CR1: variants seen among roughly 807,000 people sequenced by gnomAD.
CR1 encodes the protein complement receptor type 1.
A neutral mutation model predicts 187.3 loss-of-function variants in CR1; 116 were observed. The ratio of observed to expected loss-of-function variants is 0.62; its 90% CI spans 0.53 to 0.72. The LOEUF (loss-of-function observed/expected upper bound fraction) is 0.72. CR1 is among the 30% of genes least tolerant of loss of function. CR1 has a pLI of 0.00. For synonymous variants in CR1, 576 were observed against 747.1 expected (o/e 0.77, Z 3.73); for missense variants, 1,731 against 2,110.7 (o/e 0.82, Z 3.52).
chr1:207,516,444 A>G (rs902036425), intron 4 of CR1, among the ~76,000 whole-genome samples: 11 of 152,176 alleles, frequency 7.2e-5, no homozygotes, highest in African/African-American at 9.6e-5. Flanking sequence ...TCTCCTAACT[A>G]TGTGCATCTT....
At chr1:207,574,397 T>C (rs566515042) in intron 27 of CR1, among the ~76,000 whole-genome samples, 36 of 152,316 alleles carry the variant, frequency 2.4e-4, no homozygotes, top group African/African-American at 8.4e-4. Flanking sequence ...GCCAAGCTAA[T>C]ATTCACACCT....
intron 43 of CR1, 53 bp from the exon 44 acceptor site, chr1:207,621,920 T>A (rs925886003): frequency 3.6e-5 from 53 of 1,484,436 alleles, no homozygotes; most frequent in Non-Finnish European, 4.9e-5. Flanking sequence ...GAGGTCCTGT[T>A]CAATCATGTT....
At chr1:207,575,160 T>C (rs1660701198) in intron 27 of CR1, among the ~76,000 whole-genome samples, 1 of 151,908 alleles carries the variant, frequency 6.6e-6, no homozygotes, top group African/African-American at 2.4e-5. Flanking sequence ...ACAAATCTTG[T>C]ATTTATAAAA....
intron 46 of CR1, among the ~76,000 whole-genome samples, chr1:207,637,217 GT>G (rs1181830259): frequency 5.3e-5 from 8 of 152,134 alleles, no homozygotes; most frequent in African/African-American, 1.9e-4. Context: ...TTTAGCTTAT[GT>G]TTGTCTAAAC....
chr1:207,519,179 C>G (rs1188587582), intron 4 of CR1, among the ~76,000 whole-genome samples: 1 of 151,872 alleles, frequency 6.6e-6, no homozygotes, highest in Non-Finnish European at 1.5e-5. Context: ...AAATCTTTTA[C>G]TTTCAGCCCT....
chr1:207,587,654 T>G, intron 34 of CR1, 89 bp downstream of exon 34: 1 of 1,291,530 alleles, frequency 7.7e-7, no homozygotes, highest in Non-Finnish European at 1.1e-6. Context: ...ATCCCATCAC[T>G]TTGGGAGGCC....
chr1:207,505,080 G>A (rs758197356), intron 1 of CR1, among the ~76,000 whole-genome samples: 4 of 152,128 alleles, frequency 2.6e-5, no homozygotes, highest in African/African-American at 4.8e-5. Context: ...CTCCATTCAC[G>A]GAAAAATTGT....
At chr1:207,605,947 T>C (rs1405688210) in intron 35 of CR1, 1 of 152,196 alleles carries the variant, frequency 6.6e-6, no homozygotes, top group Admixed American at 6.5e-5. Context: ...TCTGTCACTG[T>C]TTCGGGAAGA....
rs938044503 is a variant in CR1 at position 207,584,749 on chromosome 1, C to A, written c.5403C>A (p.Asp1801Glu). The A allele has an allele frequency of 6.8e-6, 11 of 1,613,746 alleles. No homozygotes were observed. Among genetic ancestry groups the A allele is most frequent in the African/African-American group, 6.7e-5 (5 of 74,882 alleles). ...PYGKEISYTC[D>E]PHPDRGMTFN... is the part of the protein sequence containing the mutation. Reference sequence around the variant, plus strand: ...GAAAAGAAATATCTTACACATGTGACCCCCACCCAGACAGAGGGATGACCT... The same window carrying A: ...GAAAAGAAATATCTTACACATGTGAACCCCACCCAGACAGAGGGATGACCT... The change falls in exon 33 of 47, where the codon GAC (aspartate) becomes GAA (glutamate). Residue 1801 changes from aspartate (D) to glutamate (E), a missense_variant. Around this residue, in one of 5 missense-constraint regions of CR1, gnomAD observed 1,312 missense variants for 1,379.6 expected, o/e 0.95. Transcript: ENST00000367049.
At chr1:207,497,528 A>G (rs1028166181) in intron 1 of CR1, among the ~76,000 whole-genome samples, 4 of 152,236 alleles carry the variant, frequency 2.6e-5, no homozygotes, top group African/African-American at 9.6e-5. Flanking sequence ...AAATAAAATA[A>G]AGTAGAACCA....
At chr1:207,639,215 A>G (rs921475483) in intron 46 of CR1, among the ~76,000 whole-genome samples, 182 bp from the exon 47 acceptor site, 3 of 152,186 alleles carry the variant, frequency 2.0e-5, no homozygotes, top group Non-Finnish European at 4.4e-5. Flanking sequence ...TCTTTTTTAG[A>G]TGACCAATTT....
intron 35 of CR1, among the ~76,000 whole-genome samples, chr1:207,594,865 A>T (rs1053676840): frequency 4.6e-5 from 7 of 152,182 alleles, no homozygotes; most frequent in Admixed American, 6.5e-5. Flanking sequence ...AAAACAAAAT[A>T]TCACCAAATC....
chr1:207,518,664 C>A (rs1290788826), intron 4 of CR1, among the ~76,000 whole-genome samples: 1 of 152,204 alleles, frequency 6.6e-6, no homozygotes, highest in Non-Finnish European at 1.5e-5. Flanking sequence ...TGTTCCTTGG[C>A]TTGTAGATGC....
chr1:207,523,253 T>C (rs1490397312), intron 4 of CR1, among the ~76,000 whole-genome samples: 3 of 152,140 alleles, frequency 2.0e-5, no homozygotes, highest in African/African-American at 7.2e-5. Flanking sequence ...TTTATTTTTC[T>C]AAAAAAGCTA....
In CR1 at chr1:207,618,248, G is replaced by A; in HGVS notation, c.7066+1G>A. ...AGCCAATTGGATCATTATTGCAAAG[G>A]TGACTTATTTCTTGGTATTCCTTAT... On this transcript the variant is annotated splice_donor_variant, in intron 42 of 46. Transcript: ENST00000367049. LOFTEE classifies it high-confidence loss of function. The A allele has an allele frequency of 6.2e-7, 1 of 1,612,926 alleles. No individual in the cohort carries two copies. Among genetic ancestry groups the A allele is most frequent in the Non-Finnish European group, 8.5e-7 (1 of 1,179,288 alleles).
intron 28 of CR1, among the ~76,000 whole-genome samples, chr1:207,576,631 A>G (rs1461855827): frequency 1.3e-5 from 2 of 152,146 alleles, no homozygotes; most frequent in Admixed American, 6.5e-5. Context: ...CAGCCTGTAC[A>G]ACATGGTGAA....
intron 37 of CR1, among the ~76,000 whole-genome samples, chr1:207,610,363 C>T (rs1571591645): frequency 1.3e-5 from 2 of 152,058 alleles, no homozygotes; most frequent in South Asian, 4.1e-4. Context: ...GAGAAGGTCT[C>T]GCTCTGTTGC....
At position 207,580,246 on chromosome 1, in the gene CR1, A is replaced by G; in HGVS notation, c.4943A>G (p.Gln1648Arg). 6.2e-7 allele frequency: 1 copy of G among 1,613,676 alleles called. No homozygotes were observed. The highest frequency in any genetic ancestry group is 1.3e-5 in the African/African-American group (1 of 75,014). Residue 1648 changes from glutamine (Q) to arginine (R), a missense_variant, in exon 30 of 47, where the codon CAG becomes CGG. Gln to Arg is a conservative substitution (Grantham distance 43). Around this residue, in one of 5 missense-constraint regions of CR1, gnomAD observed 1,312 missense variants for 1,379.6 expected, o/e 0.95. Coordinates refer to ENST00000367049, the MANE Select transcript of CR1 (RefSeq NM_000651.6). ...GGAACTGTCCTTTCCACAGTGTGTC[A>G]GCCGCCTCCAGAAATCCTGCATGGT... Reference protein sequence around the residue: ...PELPSCSRVCQPPPEILHGEH... With the variant: ...PELPSCSRVCRPPPEILHGEH...
chr1:207,575,042 G>A (rs1386949087), intron 27 of CR1, among the ~76,000 whole-genome samples: 1 of 152,084 alleles, frequency 6.6e-6, no homozygotes, highest in Non-Finnish European at 1.5e-5. Flanking sequence ...AATGAAAAAG[G>A]CAGTGAAAGA....
Sources: gnomAD v4.1 joint callset for allele counts (sites outside exome capture counted in the v4.1 genomes callset) on GRCh38, gnomAD v4.1.1 for gene constraint, gnomAD v4.1.1 regional missense constraint, MANE v1.5 for transcripts, NCBI Gene and HGNC (gene_info 2026-07-23, HGNC 2026-07-21) for gene names.